PCDHGB3: variants seen among roughly 807,000 people sequenced by gnomAD.
PCDHGB3 encodes protocadherin gamma-B3.
PCDHGB3 carries 40 observed loss-of-function variants against 59.2 expected under a neutral mutation model. The observed-to-expected ratio is 0.68, with a 90% CI of 0.52 to 0.88. The LOEUF is 0.88. Ranked by LOEUF, PCDHGB3 falls within the 40% of genes least tolerant of loss-of-function variation. PCDHGB3 has a pLI of 0.00. For synonymous variants in PCDHGB3, 581 were observed against 503.6 expected (o/e 1.15, Z -2.06); for missense variants, 1,309 against 1,187.9 (o/e 1.10, Z -1.50).
chr5:141,378,684 A>AT (rs1775094609), intron 1 of PCDHGB3: 1 of 152,256 alleles, frequency 6.6e-6, no homozygotes, highest in East Asian at 1.9e-4. Flanking sequence ...ATATTTTAGC[A>AT]TTTTAACCCA....
At position 141,476,902 on chromosome 5, in the gene PCDHGB3, C is replaced by T. The variant is rs1399250599; in HGVS notation, c.2416-17905C>T. ...TGGAGGATGCACCCTCCGGCACGCG[C>T]GTGGTACAAGTCCTTGCAACGGATC... On this transcript the variant is annotated intron_variant, in intron 1 of 3. Transcript: ENST00000576222. This position sits in a 1 kb window ranked among gnomAD's most constrained non-coding sequence, Gnocchi z 7.6. 2 of 1,613,998 alleles carry T rather than the reference C, an allele frequency of 1.2e-6. No individual in the cohort carries two copies. The highest frequency in any genetic ancestry group is 1.7e-6 in the Non-Finnish European group (2 of 1,180,034).
At position 141,432,273 on chromosome 5, in the gene PCDHGB3, T is replaced by G. The variant is rs199937628; in HGVS notation, c.2415+59464T>G. 6.8e-6 allele frequency: 11 copies of G among 1,614,238 alleles called. No individual in the cohort carries two copies. In the Admixed American group the frequency reaches 1.7e-4, roughly 24 times the overall value. ...CAAGGGGCAAGCCTATCGTCCTACG[T>G]GTCCATCAACTCCGACACTGGGGTA... On this transcript the variant is annotated intron_variant, in intron 1 of 3. Coordinates refer to ENST00000576222, the MANE Select transcript of PCDHGB3 (RefSeq NM_018924.5). This position sits in a 1 kb window ranked among gnomAD's most constrained non-coding sequence, Gnocchi z 6.0.
At chr5:141,383,848 A>G in intron 1 of PCDHGB3, 1 of 1,613,980 alleles carries the variant, frequency 6.2e-7, no homozygotes. Flanking sequence ...CTTCTATGAA[A>G]TGGAGGTTCA....
rs2099756055 is a variant in PCDHGB3, at chr5:141,494,679, C to T, written c.2416-128C>T. The T allele has an allele frequency of 3.9e-6, 6 of 1,556,494 alleles. No homozygotes were observed. In the South Asian group the frequency reaches 4.7e-5, roughly 12 times the overall value. ...GTCTTTGGAGATGAGTCCACCCCTG[C>T]CCCCTCTTAGTCCGTTTTCTTCTCT... is the stretch of plus-strand genomic sequence containing the variant. On this transcript the variant is annotated intron_variant, in intron 1 of 3. Coordinates refer to ENST00000576222, the MANE Select transcript of PCDHGB3 (RefSeq NM_018924.5).
chr5:141,444,035 T>C (rs928920813), intron 1 of PCDHGB3, among the ~76,000 whole-genome samples: 1 of 151,694 alleles, frequency 6.6e-6, no homozygotes, highest in Non-Finnish European at 1.5e-5. Context: ...ATTCAGTAAA[T>C]CAGATAATTT....
At chr5:141,495,571 C>T (rs1031548699) in intron 2 of PCDHGB3, among the ~76,000 whole-genome samples, 1 of 152,198 alleles carries the variant, frequency 6.6e-6, no homozygotes, top group African/African-American at 2.4e-5. Flanking sequence ...TCTGCCTCTC[C>T]CTCTCTTCTC....
chr5:141,455,833 G>A (rs999291826), intron 1 of PCDHGB3, among the ~76,000 whole-genome samples: 1 of 151,468 alleles, frequency 6.6e-6, no homozygotes, highest in Admixed American at 6.6e-5. Flanking sequence ...CCCTTTTCCT[G>A]TCTATCTGCA....
At position 141,432,783 on chromosome 5, in the gene PCDHGB3, T is replaced by G; in HGVS notation, c.2415+59974T>G. The G allele has an allele frequency of 6.2e-7, 1 of 1,614,118 alleles. No individual in the cohort carries two copies. On this transcript the variant is annotated intron_variant, in intron 1 of 3. Transcript: ENST00000576222. The surrounding 1 kb of genome is among the most constrained non-coding windows in gnomAD (Gnocchi z 6.0). ...AGCATCCCCCAAGTCCTGGCGGACC[T>G]CGGCAGCCTCGAGTCTCCAGCTAAC...
At position 141,371,856 on chromosome 5, in the gene PCDHGB3, T is replaced by C. The variant is rs758069791; in HGVS notation, c.1462T>C (p.Ser488Pro). The C allele has an allele frequency of 1.9e-6, 3 of 1,613,462 alleles. No homozygotes were observed. The highest frequency in any genetic ancestry group is 3.3e-5 in the Admixed American group (2 of 60,012). ...CGACTTGGGACCTAATGGCCTTGTC[T>C]CCTACTACATCGTGGCCAGTGACCT... is the stretch of plus-strand genomic sequence containing the variant. ...DPDLGPNGLVSYYIVASDLEP... is the reference protein window; with the variant it reads ...DPDLGPNGLVPYYIVASDLEP... The change falls in exon 1 of 4, where the codon TCC (serine) becomes CCC (proline). Residue 488 changes from serine (S) to proline (P), a missense_variant. By Grantham distance (74) the Ser-to-Pro change is moderately conservative. Coordinates refer to ENST00000576222, the MANE Select transcript of PCDHGB3 (RefSeq NM_018924.5).
intron 1 of PCDHGB3, among the ~76,000 whole-genome samples, chr5:141,461,819 A>G (rs573339238): frequency 1.3e-5 from 2 of 149,282 alleles, no homozygotes; most frequent in African/African-American, 2.5e-5. Flanking sequence ...ACACCCAGCT[A>G]ATTTTTTTTT....
At position 141,371,889 on chromosome 5, in the gene PCDHGB3, C is replaced by T. The variant is rs778087129; in HGVS notation, c.1495C>T (p.Arg499Trp). 5 of 1,613,316 alleles carry T rather than the reference C, an allele frequency of 3.1e-6. No individual in the cohort carries two copies. The East Asian group carries it at 6.7e-5, about 22-fold the overall frequency. Residue 499 changes from arginine (R) to tryptophan (W), a missense_variant, in exon 1 of 4, where the codon CGG (arginine) becomes TGG (tryptophan). Coordinates refer to ENST00000576222, the MANE Select transcript of PCDHGB3 (RefSeq NM_018924.5). ...CATCGTGGCCAGTGACCTGGAGCCG[C>T]GGGAGCTGTCGTCCTACGTGTCCGT... ...YYIVASDLEP[R>W]ELSSYVSVSA... is the part of the protein sequence containing the mutation.
chr5:141,427,646 C>A, intron 1 of PCDHGB3: 1 of 715,440 alleles, frequency 1.4e-6, no homozygotes, highest in East Asian at 2.7e-5. Context: ...ACCAAGTCTC[C>A]TACGTGGTCC....
intron 1 of PCDHGB3, among the ~76,000 whole-genome samples, chr5:141,452,745 GGAA>G (rs2098748194): frequency 6.6e-6 from 1 of 152,054 alleles, no homozygotes; most frequent in Non-Finnish European, 1.5e-5. Flanking sequence ...AGAGAGAGAA[GGAA>G]GAAGGAAGGG....
At position 141,487,570 on chromosome 5, in the gene PCDHGB3, T is replaced by A; in HGVS notation, c.2416-7237T>A. 6.2e-7 allele frequency: 1 copy of A among 1,614,178 alleles called. No homozygotes were observed. On this transcript the variant is annotated intron_variant, in intron 1 of 3. Transcript: ENST00000576222. The surrounding 1 kb of genome is among the most constrained non-coding windows in gnomAD (Gnocchi z 5.0). ...CCAGTGCACCTATGGCAGGGGAGCCTGTTCGCCCAAGCTGCCCACCCTCTG... is the reference window on the plus strand; with the variant it reads ...CCAGTGCACCTATGGCAGGGGAGCCAGTTCGCCCAAGCTGCCCACCCTCTG...
At chr5:141,467,055 C>CTTTTTTTTTTT (rs1193465269) in intron 1 of PCDHGB3, among the ~76,000 whole-genome samples, 1 of 134,498 alleles carries the variant, frequency 7.4e-6, no homozygotes, top group Non-Finnish European at 1.6e-5. Context: ...TCAATGTTTT[C>CTTTTTTTTTTT]TTTTTTTTTT....
Position 141,431,335 on chromosome 5 carries a change from C to G in PCDHGB3, c.2415+58526C>G, listed in dbSNP as rs747132346. On this transcript the variant is annotated intron_variant, in intron 1 of 3. Transcript: ENST00000576222. The surrounding 1 kb of genome is among the most constrained non-coding windows in gnomAD (Gnocchi z 4.8). ...ATGGAGCCGACGGTAGTAAGTACCC[C>G]GAATTGGTGCTGAAACGCGCCCTGG... 2 of 1,614,062 alleles carry G rather than the reference C, an allele frequency of 1.2e-6. No homozygotes were observed. Among genetic ancestry groups the G allele is most frequent in the Non-Finnish European group, 1.7e-6 (2 of 1,180,022 alleles).
At chr5:141,427,386 A>G (rs2097020887) in intron 1 of PCDHGB3, 1 of 459,098 alleles carries the variant, frequency 2.2e-6, no homozygotes, top group Non-Finnish European at 4.4e-6. Context: ...CACTCTGTTC[A>G]AAACACATGA....
At chr5:141,492,727 G>A (rs2099743408) in intron 1 of PCDHGB3, among the ~76,000 whole-genome samples, 1 of 152,274 alleles carries the variant, frequency 6.6e-6, no homozygotes, top group South Asian at 2.1e-4. Flanking sequence ...GACAGGCAGA[G>A]CTGCCCAGTG....
chr5:141,431,748 G>T lies in PCDHGB3; in HGVS notation c.2415+58939G>T. 1 of 1,614,196 alleles carries T rather than the reference G, an allele frequency of 6.2e-7. No homozygotes were observed. Among genetic ancestry groups the T allele is most frequent in the Non-Finnish European group, 8.5e-7 (1 of 1,180,042 alleles). Reference sequence around the variant, plus strand: ...ATGGATAATGCAGGATATTCTGCGCGAGCCAAAGTCCTGATCACTGTTCTG... The same window carrying T: ...ATGGATAATGCAGGATATTCTGCGCTAGCCAAAGTCCTGATCACTGTTCTG... On this transcript the variant is annotated intron_variant, in intron 1 of 3. Transcript: ENST00000576222. This position sits in a 1 kb window ranked among gnomAD's most constrained non-coding sequence, Gnocchi z 4.8.
Sources: allele counts gnomAD v4.1 joint callset (sites outside exome capture counted in the v4.1 genomes callset), GRCh38; gene constraint gnomAD v4.1.1; non-coding constraint Gnocchi (gnomAD v3.1); transcripts MANE v1.5; gene names NCBI Gene and HGNC (gene_info 2026-07-23, HGNC 2026-07-21).